The following NECTIN1 variants were observed in gnomAD, a reference collection of about 807,000 sequenced individuals.
The protein encoded by NECTIN1 is nectin-1.
Under a neutral mutation model 48.0 loss-of-function variants are expected in NECTIN1, and 23 were observed. That is an observed-to-expected ratio of 0.48 (90% CI 0.34 to 0.68). NECTIN1 has a LOEUF of 0.68. Ranked by LOEUF, NECTIN1 falls within the 30% of genes least tolerant of loss-of-function variation. The pLI, the probability that NECTIN1 is intolerant of heterozygous loss-of-function variation, is 0.01. For missense variants in NECTIN1, 591 were observed against 709.9 expected (o/e 0.83, Z 1.90); for synonymous variants, 270 against 288.9 (o/e 0.93, Z 0.66).
chr11:119,686,928 G>T (rs1245696676), intron 1 of NECTIN1, among the ~76,000 whole-genome samples: 3 of 152,174 alleles, frequency 2.0e-5, no homozygotes, highest in African/African-American at 7.2e-5. Context: ...AAACACAGGG[G>T]GCCCAAGTGG....
intron 1 of NECTIN1, among the ~76,000 whole-genome samples, chr11:119,686,573 C>G (rs945236811): frequency 6.6e-6 from 1 of 152,168 alleles, no homozygotes; most frequent in African/African-American, 2.4e-5. Context: ...TTTCCGGGCT[C>G]TAGACCCTAT....
In NECTIN1 at chr11:119,694,825, C is replaced by G. The variant is rs377524559; in HGVS notation, c.80-16060G>C. On this transcript the variant is annotated intron_variant, in intron 1 of 5. Transcript: ENST00000264025. ...TGAACCCAGGTGTCCTGCTGCCCCC[C>G]CAGGCATCTTGCCCTCCATGTGCAC... Among the ~76,000 whole-genome samples the G allele has an allele frequency of 1.4e-4, 21 of 152,280 alleles. No homozygotes were observed. The South Asian group carries it at 2.5e-3, about 18-fold the overall frequency.
At chr11:119,651,410 C>T (rs1038185273) in intron 5 of NECTIN1, among the ~76,000 whole-genome samples, 26 of 152,096 alleles carry the variant, frequency 1.7e-4, no homozygotes, top group African/African-American at 2.7e-4. Context: ...ATCCTGGAGA[C>T]GGACAGCCCC....
chr11:119,676,078 G>C (rs2135550255), intron 4 of NECTIN1, among the ~76,000 whole-genome samples: 1 of 152,186 alleles, frequency 6.6e-6, no homozygotes, highest in East Asian at 1.9e-4. Context: ...GAACCACTGG[G>C]GCAAAGACCT....
chr11:119,696,970 G>T (rs1184794396), intron 1 of NECTIN1, among the ~76,000 whole-genome samples: 1 of 152,142 alleles, frequency 6.6e-6, no homozygotes, highest in Non-Finnish European at 1.5e-5. Flanking sequence ...AGGAGGGAGG[G>T]CATCCTGTCT....
intron 1 of NECTIN1, among the ~76,000 whole-genome samples, chr11:119,687,710 G>C (rs143856471): frequency 2.6e-4 from 39 of 152,336 alleles, no homozygotes; most frequent in Non-Finnish European, 2.1e-4. Flanking sequence ...TCTTTTAAAA[G>C]CTCAGTATTG....
intron 1 of NECTIN1, among the ~76,000 whole-genome samples, chr11:119,724,273 G>A (rs770614179): frequency 3.3e-5 from 5 of 152,196 alleles, no homozygotes; most frequent in Non-Finnish European, 7.3e-5. Flanking sequence ...CATGGATCAT[G>A]AGAACTCGTG....
chr11:119,654,895 T>C (rs1399273641), intron 5 of NECTIN1, among the ~76,000 whole-genome samples: 1 of 151,078 alleles, frequency 6.6e-6, no homozygotes, highest in African/African-American at 2.4e-5. Context: ...AAAATAGACT[T>C]ACATTTATTT....
At position 119,649,386 on chromosome 11, in the gene NECTIN1, A is replaced by G. The variant is rs144236044; in HGVS notation, c.1004-9374T>C. Among the ~76,000 whole-genome samples, 873 of 151,864 alleles carry G rather than the reference A, an allele frequency of 5.7e-3. 13 individuals are homozygous for G. Among genetic ancestry groups the G allele is most frequent in the African/African-American group, 0.019 (767 of 41,410 alleles). On this transcript the variant is annotated intron_variant, in intron 5 of 7. Transcript: ENST00000341398. The stretch of plus-strand genomic sequence containing the variant: ...CAGAGTGAGACTCCATCTCAAAAAA[A>G]AAAAAGAAAAAGAAAAAAAGGCTGG...
intron 5 of NECTIN1, among the ~76,000 whole-genome samples, chr11:119,651,347 A>C (rs1864486876): frequency 6.6e-6 from 1 of 152,080 alleles, no homozygotes; most frequent in Non-Finnish European, 1.5e-5. Flanking sequence ...TATGGTTTTC[A>C]TTGATCAAGC....
At chr11:119,688,036 G>A (rs1030743967) in intron 1 of NECTIN1, among the ~76,000 whole-genome samples, 6 of 152,180 alleles carry the variant, frequency 3.9e-5, no homozygotes, top group African/African-American at 1.2e-4. Flanking sequence ...AGCGGGGGGA[G>A]GGGTAGAAAG....
chr11:119,711,923 A>G (rs1264391118), intron 1 of NECTIN1, among the ~76,000 whole-genome samples: 1 of 152,134 alleles, frequency 6.6e-6, no homozygotes, highest in African/African-American at 2.4e-5. Flanking sequence ...GAATGGCTGG[A>G]TGGGTGTGGT....
rs1395108867 is a variant in NECTIN1, at chr11:119,684,617, G to C, written c.80-5852C>G. Among the ~76,000 whole-genome samples the C allele has an allele frequency of 4.0e-5, 6 of 151,870 alleles. No homozygotes were observed. On this transcript the variant is annotated intron_variant, in intron 1 of 5. Transcript: ENST00000264025. The surrounding 1 kb of genome is among the most constrained non-coding windows in gnomAD (Gnocchi z 5.2). Reference sequence around the variant, plus strand: ...CAGGGCCTCCATCTGAAACCCTGCTGAGGCAGCACAGTGACCTAAAGGTTA... The same window carrying C: ...CAGGGCCTCCATCTGAAACCCTGCTCAGGCAGCACAGTGACCTAAAGGTTA...
rs1565385340 is a variant in NECTIN1, at chr11:119,672,193, T to C, written c.1003+2966A>G. 6.6e-6 allele frequency among the ~76,000 whole-genome samples: 1 copy of C among 151,260 alleles called. No homozygotes were observed. Among genetic ancestry groups the C allele is most frequent in the Non-Finnish European group, 1.5e-5 (1 of 68,022 alleles). On this transcript the variant is annotated intron_variant, in intron 5 of 5. Transcript: ENST00000264025. The surrounding 1 kb of genome is among the most constrained non-coding windows in gnomAD (Gnocchi z 4.3). ...GCCCTGCACCCTGGGATGGACATCC[T>C]ACACCCTGGCAGCCTCCCTGTCCTG...
rs969245590 is a variant in NECTIN1 at position 119,661,822 on chromosome 11, C to T, written c.*2925G>A. ...ACATCTGTGCTGAGTGGCCATCTGGCTGTGCATGCATGCGTGTGTACATGC... is the reference window on the plus strand; with the variant it reads ...ACATCTGTGCTGAGTGGCCATCTGGTTGTGCATGCATGCGTGTGTACATGC... On this transcript the variant is annotated 3_prime_UTR_variant, in exon 6 of 6. Coordinates refer to ENST00000264025, the MANE Select transcript of NECTIN1 (RefSeq NM_002855.5). The T allele has an allele frequency of 2.0e-6, 2 of 985,288 alleles. No homozygotes were observed. The highest frequency in any genetic ancestry group is 2.4e-6 in the Non-Finnish European group (2 of 829,964). 61.0% of individuals were successfully genotyped at this position (985,288 alleles called of 1,614,324 possible).
intron 1 of NECTIN1, among the ~76,000 whole-genome samples, chr11:119,694,983 A>G (rs1278535557): frequency 6.6e-6 from 1 of 151,868 alleles, no homozygotes; most frequent in Admixed American, 6.6e-5. Flanking sequence ...GCTCCCTGCA[A>G]CTCCACAGGG....
intron 6 of NECTIN1, chr11:119,638,886 T>C: frequency 2.4e-6 from 3 of 1,273,256 alleles, no homozygotes; most frequent in Non-Finnish European, 3.4e-6. Context: ...CAGCTACCGG[T>C]CCCTGAGCCC....
At chr11:119,674,153 G>A (rs948810481) in intron 5 of NECTIN1, among the ~76,000 whole-genome samples, 2 of 152,112 alleles carry the variant, frequency 1.3e-5, no homozygotes, top group African/African-American at 4.8e-5. Context: ...CTTTGTGGCC[G>A]GAGCCCAGCA....
At chr11:119,651,754 A>T (rs566075772) in intron 5 of NECTIN1, among the ~76,000 whole-genome samples, 1 of 152,224 alleles carries the variant, frequency 6.6e-6, no homozygotes, top group African/African-American at 2.4e-5. Context: ...ATTGCAGTAG[A>T]TCATGGAGAT....
Sources: allele counts gnomAD v4.1 joint callset (sites outside exome capture counted in the v4.1 genomes callset), GRCh38; gene constraint gnomAD v4.1.1; non-coding constraint Gnocchi (gnomAD v3.1); transcripts MANE v1.5; gene names NCBI Gene and HGNC (gene_info 2026-07-23, HGNC 2026-07-21).